The following CAMKMT variants were observed in gnomAD, a reference collection of about 807,000 sequenced individuals.
CAMKMT encodes the protein CaM KMT.
In CAMKMT, 53 loss-of-function variants were observed where a neutral mutation model predicts 48.0. The observed-to-expected ratio is 1.10, with a 90% CI of 0.89 to 1.39. The LOEUF is 1.39. Among genes scored for constraint, CAMKMT ranks in the 40% most tolerant of loss-of-function variants. The pLI is 0.00. For synonymous variants in CAMKMT, 165 were observed against 152.3 expected, an observed-to-expected ratio of 1.08 and a Z score of -0.61; for missense variants, 428 against 402.7, an observed-to-expected ratio of 1.06 and a Z score of -0.54.
At chr2:44,753,268 A>G (rs1680225050) in intron 8 of CAMKMT, among the ~76,000 whole-genome samples, 1 of 138,746 alleles carries the variant, frequency 7.2e-6, no homozygotes, top group Non-Finnish European at 1.6e-5. Context: ...AAAAAAAAAA[A>G]AAAAAAGAAC....
Position 44,772,124 on chromosome 2 carries a change from T to C in CAMKMT, c.*11T>C. 6.2e-7 allele frequency: 1 copy of C among 1,607,778 alleles called. No homozygotes were observed. Among genetic ancestry groups the C allele is most frequent in the Non-Finnish European group, 8.5e-7 (1 of 1,176,128 alleles). On this transcript the variant is annotated 3_prime_UTR_variant, in exon 11 of 11. Coordinates refer to ENST00000378494, the MANE Select transcript of CAMKMT (RefSeq NM_024766.5). ...ACCAAACATGGATAGAAGATTAAGC[T>C]TCTCAAAGACGAAGAAACGTATCAA... is the stretch of plus-strand genomic sequence containing the variant.
intron 3 of CAMKMT, among the ~76,000 whole-genome samples, chr2:44,598,964 C>T (rs1048074249): frequency 1.3e-5 from 2 of 151,810 alleles, no homozygotes; most frequent in East Asian, 3.9e-4. Flanking sequence ...CTAAGAAAAG[C>T]ATAGCATTTT....
chr2:44,462,796 C>G (rs896956539), intron 3 of CAMKMT, among the ~76,000 whole-genome samples: 2 of 152,090 alleles, frequency 1.3e-5, no homozygotes, highest in Non-Finnish European at 1.5e-5. Context: ...CTTCTTAATT[C>G]TCTTAATCTA....
intron 3 of CAMKMT, among the ~76,000 whole-genome samples, chr2:44,493,019 G>T (rs1032693956): frequency 1.3e-5 from 2 of 151,566 alleles, no homozygotes; most frequent in Non-Finnish European, 2.9e-5. Context: ...TCAGCCTCCT[G>T]AGTAGCTGGG....
At chr2:44,565,894 T>C (rs975821218) in intron 3 of CAMKMT, among the ~76,000 whole-genome samples, 1 of 152,206 alleles carries the variant, frequency 6.6e-6, no homozygotes, top group African/African-American at 2.4e-5. Context: ...TCAGATCTTT[T>C]CACACAGATG....
chr2:44,406,489 C>G (rs1682786499), intron 3 of CAMKMT, among the ~76,000 whole-genome samples: 1 of 67,640 alleles, frequency 1.5e-5, no homozygotes, highest in African/African-American at 9.2e-5. Flanking sequence ...ACCCCAGTGT[C>G]TTTGTGTGTG....
At chr2:44,594,340 G>T (rs1047375366) in intron 3 of CAMKMT, among the ~76,000 whole-genome samples, 10 of 152,136 alleles carry the variant, frequency 6.6e-5, no homozygotes, top group African/African-American at 2.4e-4. Flanking sequence ...CCAAAAAAGA[G>T]CCCGTATAGC....
chr2:44,766,482 G>T lies in CAMKMT; in HGVS notation c.815G>T (p.Cys272Phe). 1 of 1,614,118 alleles carries T rather than the reference G, an allele frequency of 6.2e-7. No homozygotes were observed. Among genetic ancestry groups the T allele is most frequent in the Non-Finnish European group, 8.5e-7 (1 of 1,180,002 alleles). ...CGAGGGAATACTTTAAACCAGTTTT[G>T]CAATCTAGCTGAAAAAGCTGGTTTC... ...PRRGNTLNQF[C>F]NLAEKAGFCI... The change falls in exon 10 of 11, where the codon TGC becomes TTC. Residue 272 changes from cysteine (C) to phenylalanine (F), a missense_variant. Coordinates refer to ENST00000378494, the MANE Select transcript of CAMKMT (RefSeq NM_024766.5).
intron 3 of CAMKMT, among the ~76,000 whole-genome samples, chr2:44,632,791 C>CAAAGACTAGA (rs1672910128): frequency 6.6e-6 from 1 of 152,158 alleles, no homozygotes; most frequent in Non-Finnish European, 1.5e-5. Context: ...GAAAAACATA[C>CAAAGACTAGA]AAAGACTAGA....
Position 44,591,197 on chromosome 2 carries a change from A to G in CAMKMT, c.377-113086A>G, listed in dbSNP as rs1468947394. 9.5e-3 allele frequency among the ~76,000 whole-genome samples: 1,436 copies of G among 150,556 alleles called. 12 individuals carry two copies. Among genetic ancestry groups the G allele is most frequent in the Non-Finnish European group, 0.016 (1,065 of 67,008 alleles). On this transcript the variant is annotated intron_variant, in intron 3 of 10. Coordinates refer to ENST00000378494, the MANE Select transcript of CAMKMT (RefSeq NM_024766.5). The stretch of plus-strand genomic sequence containing the variant: ...TGAAGTCAGGTAGTGTGATGCCTCC[A>G]GCTTTGTTCTTTTGGCTTAGGATTG...
At chr2:44,706,362 A>G (rs968990994) in intron 5 of CAMKMT, 21 bp downstream of exon 5, 2 of 1,612,482 alleles carry the variant, frequency 1.2e-6, no homozygotes, top group East Asian at 2.2e-5. Context: ...TCTCCATTCC[A>G]ATCCCATTCA....
In CAMKMT at chr2:44,580,776, G is replaced by A. The variant is rs76682410; in HGVS notation, c.377-123507G>A. On this transcript the variant is annotated intron_variant, in intron 3 of 10. Transcript: ENST00000378494. Reference sequence around the variant, plus strand: ...TAGAAACAACATTTACACGGCTTCAGAATGGTAATTATCAAACTTTTTGTC... The same window carrying A: ...TAGAAACAACATTTACACGGCTTCAAAATGGTAATTATCAAACTTTTTGTC... Among the ~76,000 whole-genome samples, 220 of 152,304 alleles carry A rather than the reference G, an allele frequency of 1.4e-3. 1 individual carries two copies. Among genetic ancestry groups the A allele is most frequent in the African/African-American group, 5.1e-3 (210 of 41,580 alleles).
At chr2:44,627,954 C>T (rs1305350385) in intron 3 of CAMKMT, among the ~76,000 whole-genome samples, 5 of 151,984 alleles carry the variant, frequency 3.3e-5, no homozygotes, top group Non-Finnish European at 7.4e-5. Flanking sequence ...CCCACCTTCT[C>T]GGCCTCCCAG....
chr2:44,505,406 A>G (rs540492026), intron 3 of CAMKMT, among the ~76,000 whole-genome samples: 2 of 152,246 alleles, frequency 1.3e-5, no homozygotes, highest in South Asian at 2.1e-4. Context: ...ATGAAGTCCA[A>G]TTTATTTTTC....
intron 3 of CAMKMT, among the ~76,000 whole-genome samples, chr2:44,435,907 G>A (rs1431386521): frequency 2.0e-5 from 3 of 152,068 alleles, no homozygotes; most frequent in Non-Finnish European, 4.4e-5. Context: ...TTCATTTACT[G>A]AATGTCTCCC....
At chr2:44,454,802 G>C (rs890540896) in intron 3 of CAMKMT, among the ~76,000 whole-genome samples, 2 of 152,144 alleles carry the variant, frequency 1.3e-5, no homozygotes, top group African/African-American at 4.8e-5. Flanking sequence ...TATTGTATCA[G>C]TGAATCAAAA....
intron 3 of CAMKMT, among the ~76,000 whole-genome samples, chr2:44,430,242 C>T (rs1326574865): frequency 6.6e-6 from 1 of 151,944 alleles, no homozygotes; most frequent in African/African-American, 2.4e-5. Context: ...AAGTTAGGGC[C>T]TGGAATCACA....
chr2:44,744,007 G>A (rs936326209), intron 8 of CAMKMT, among the ~76,000 whole-genome samples: 5 of 151,928 alleles, frequency 3.3e-5, no homozygotes, highest in South Asian at 2.1e-4. Context: ...ATTATGGCTC[G>A]GAGAGGAATA....
At chr2:44,508,853 C>T (rs148259400) in intron 3 of CAMKMT, among the ~76,000 whole-genome samples, 91 of 151,998 alleles carry the variant, frequency 6.0e-4, no homozygotes, top group African/African-American at 1.8e-3. Context: ...CCCAGCACTC[C>T]GGGAGGCCAA....
Sources: gnomAD v4.1 joint callset for allele counts (sites outside exome capture counted in the v4.1 genomes callset) on GRCh38, gnomAD v4.1.1 for gene constraint, MANE v1.5 for transcripts, NCBI Gene and HGNC (gene_info 2026-07-23, HGNC 2026-07-21) for gene names.